UBE2E1: variants seen among roughly 807,000 people sequenced by gnomAD.
The protein encoded by UBE2E1 is ubiquitin-conjugating enzyme E2 E1.
In UBE2E1, 6 loss-of-function variants were observed where a neutral mutation model predicts 21.4. That is an observed-to-expected ratio of 0.28 (90% confidence interval 0.15 to 0.55). UBE2E1 has a LOEUF of 0.55. Ranked by LOEUF, UBE2E1 falls within the 20% of genes least tolerant of loss-of-function variation. The pLI is 0.93. For synonymous variants in UBE2E1, 87 were observed against 82.7 expected (o/e 1.05, Z -0.28); for missense variants, 142 against 236.5 (o/e 0.60, Z 2.62).
intron 3 of UBE2E1, among the ~76,000 whole-genome samples, chr3:23,822,615 C>A (rs1699668386): frequency 1.3e-5 from 2 of 152,162 alleles, no homozygotes; most frequent in African/African-American, 4.8e-5. Flanking sequence ...TGATGAATCT[C>A]TTTTTCAAGA....
At position 23,817,421 on chromosome 3, in the gene UBE2E1, C is replaced by CAA. The variant is rs369690021; in HGVS notation, c.203+5927_203+5928dup. On this transcript the variant is annotated intron_variant, in intron 3 of 5. Transcript: ENST00000306627. ...TGGTTGACAGAGTGAGACTCTGTCTCAAAAAAAAAAAAAAAAAGAAAGAAA... is the reference window on the plus strand; with the variant it reads ...TGGTTGACAGAGTGAGACTCTGTCTCAAAAAAAAAAAAAAAAAAAGAAAGAAA... Among the ~76,000 whole-genome samples the CAA allele has an allele frequency of 6.4e-4, 27 of 42,006 alleles. 1 individual carries two copies. Among genetic ancestry groups the CAA allele is most frequent in the East Asian group, 8.9e-4 (2 of 2,244 alleles). 27.6% of individuals were successfully genotyped at this position (42,006 alleles called of 152,430 possible).
intron 3 of UBE2E1, among the ~76,000 whole-genome samples, chr3:23,841,325 A>C (rs1028356135): frequency 6.6e-6 from 1 of 152,034 alleles, no homozygotes; most frequent in East Asian, 1.9e-4. Context: ...TGGCCATATC[A>C]GCTGAACTGT....
intron 3 of UBE2E1, among the ~76,000 whole-genome samples, chr3:23,832,683 C>T: frequency 6.6e-6 from 1 of 152,076 alleles, no homozygotes; most frequent in East Asian, 1.9e-4. Context: ...TACAGTGAGC[C>T]AAGATCTTGC....
chr3:23,852,531 C>A (rs1172226632), intron 3 of UBE2E1, among the ~76,000 whole-genome samples: 1 of 152,214 alleles, frequency 6.6e-6, no homozygotes, highest in African/African-American at 2.4e-5. Flanking sequence ...TTTCTCTCTA[C>A]AAGATCATGT....
chr3:23,859,832 G>T (rs930175852), intron 3 of UBE2E1, among the ~76,000 whole-genome samples: 2 of 152,094 alleles, frequency 1.3e-5, no homozygotes, highest in East Asian at 3.8e-4. Flanking sequence ...AAATTCTTTG[G>T]TACCTAGCAT....
intron 3 of UBE2E1, chr3:23,879,063 G>C (rs983681855): frequency 4.0e-6 from 2 of 502,020 alleles, no homozygotes; most frequent in Admixed American, 4.3e-5. Context: ...TGCCAACAAT[G>C]TATCAGTTCC....
chr3:23,878,995 C>T, intron 3 of UBE2E1: 1 of 476,630 alleles, frequency 2.1e-6, no homozygotes, highest in Non-Finnish European at 4.2e-6. Context: ...AGTCCATCTC[C>T]TATGATTGCA....
At chr3:23,824,600 C>T (rs560871206) in intron 3 of UBE2E1, among the ~76,000 whole-genome samples, 1 of 152,304 alleles carries the variant, frequency 6.6e-6, no homozygotes, top group South Asian at 2.1e-4. Context: ...TCTTCAAGCC[C>T]CTCAAGGAGC....
chr3:23,871,594 G>A (rs1700791564), intron 3 of UBE2E1, among the ~76,000 whole-genome samples: 5 of 151,836 alleles, frequency 3.3e-5, no homozygotes, highest in Admixed American at 3.3e-4. Flanking sequence ...CTGCCGGGCA[G>A]AGAGGCTCCT....
intron 3 of UBE2E1, among the ~76,000 whole-genome samples, chr3:23,848,790 G>A (rs1013960214): frequency 6.6e-5 from 10 of 152,118 alleles, no homozygotes; most frequent in Non-Finnish European, 1.2e-4. Context: ...AGAGGGAATA[G>A]CATTAGCAAG....
chr3:23,875,025 G>T lies in UBE2E1; in HGVS notation c.204-12542G>T, dbSNP rs564382963. 9.2e-5 allele frequency among the ~76,000 whole-genome samples: 14 copies of T among 152,136 alleles called. 1 individual carries two copies. In the South Asian group the frequency reaches 1.7e-3, roughly 18 times the overall value. On this transcript the variant is annotated intron_variant, in intron 3 of 5. Transcript: ENST00000306627. The stretch of plus-strand genomic sequence containing the variant: ...ACCCCCTAATGTCCACATTTTTTAG[G>T]TCTGCTCTTCTTTTGTCATCCCTAC...
intron 3 of UBE2E1, among the ~76,000 whole-genome samples, chr3:23,882,421 T>C (rs1355480333): frequency 6.6e-6 from 1 of 152,196 alleles, no homozygotes; most frequent in African/African-American, 2.4e-5. Context: ...CAGCTAGACG[T>C]AAAAGTTCTC....
chr3:23,807,125 G>C, intron 1 of UBE2E1, 112 bp from the exon 2 acceptor site: 1 of 806,168 alleles, frequency 1.2e-6, no homozygotes, highest in Admixed American at 3.1e-5. Flanking sequence ...AGTGGAGGGC[G>C]GTGGGCGGCC....
chr3:23,829,720 G>T (rs1212196678), intron 3 of UBE2E1, among the ~76,000 whole-genome samples: 2 of 152,190 alleles, frequency 1.3e-5, no homozygotes, highest in Non-Finnish European at 2.9e-5. Flanking sequence ...GAAAGGAAAG[G>T]GGTCTAGAAG....
At chr3:23,880,689 T>C (rs1467225167) in intron 3 of UBE2E1, among the ~76,000 whole-genome samples, 1 of 152,218 alleles carries the variant, frequency 6.6e-6, no homozygotes, top group Non-Finnish European at 1.5e-5. Context: ...GAGTAGTCTG[T>C]AATAAGTCTG....
At position 23,834,548 on chromosome 3, in the gene UBE2E1, T is replaced by A. The variant is rs190113646; in HGVS notation, c.203+23038T>A. Among the ~76,000 whole-genome samples, 251 of 152,292 alleles carry A rather than the reference T, an allele frequency of 1.6e-3. 3 individuals are homozygous for A. The highest frequency in any genetic ancestry group is 0.015 in the Admixed American group (230 of 15,308). On this transcript the variant is annotated intron_variant, in intron 3 of 5. Coordinates refer to ENST00000306627, the MANE Select transcript of UBE2E1 (RefSeq NM_003341.5). ...TTCCCTGAACAGCACTGCTAGCTGC[T>A]CCTGGCAGCTTTTTATTTAAAAAAT...
chr3:23,855,216 C>A (rs1700408577), intron 3 of UBE2E1, among the ~76,000 whole-genome samples: 1 of 152,136 alleles, frequency 6.6e-6, no homozygotes, highest in Admixed American at 6.5e-5. Flanking sequence ...AACTAAGGGA[C>A]ACAAATACAC....
At chr3:23,809,765 TGTGTAG>T (rs1338457863) in intron 2 of UBE2E1, among the ~76,000 whole-genome samples, 1 of 152,226 alleles carries the variant, frequency 6.6e-6, no homozygotes, top group Non-Finnish European at 1.5e-5. Context: ...TTTGCCTACG[TGTGTAG>T]GTCTTAAAAT....
intron 3 of UBE2E1, among the ~76,000 whole-genome samples, chr3:23,879,656 G>C (rs1700991703): frequency 6.6e-6 from 1 of 152,198 alleles, no homozygotes; most frequent in African/African-American, 2.4e-5. Flanking sequence ...CCTGTCCGTG[G>C]GCACCAGGGA....
Sources: gnomAD v4.1 joint callset for allele counts (sites outside exome capture counted in the v4.1 genomes callset) on GRCh38, gnomAD v4.1.1 for gene constraint, MANE v1.5 for transcripts, NCBI Gene and HGNC (gene_info 2026-07-23, HGNC 2026-07-21) for gene names.